Variants in BOD1L1 observed in about 807,000 individuals in gnomAD.
BOD1L1 encodes biorientation of chromosomes in cell division 1 like 1, also known as biorientation of chromosomes in cell division protein 1-like 1.
Under a neutral mutation model 240.7 loss-of-function variants are expected in BOD1L1, and 86 were observed. The ratio of observed to expected loss-of-function variants is 0.36; its 90% CI spans 0.30 to 0.43. The LOEUF is 0.43. Ranked by LOEUF, BOD1L1 falls within the 20% of genes least tolerant of loss-of-function variation. The pLI is 1.00. For synonymous variants in BOD1L1, 1,268 were observed against 1,272.3 expected (o/e 1.00, Z 0.07); for missense variants, 3,554 against 3,643.5 (o/e 0.98, Z 0.63).
At chr4:13,586,663 T>TA (rs1162670352) in intron 16 of BOD1L1, among the ~76,000 whole-genome samples, 188 bp from the exon 17 acceptor site, 1 of 152,136 alleles carries the variant, frequency 6.6e-6, no homozygotes, top group African/African-American at 2.4e-5. Context: ...CCTGGCAAAG[T>TA]AAAAATAAAA....
In BOD1L1 at chr4:13,569,819, A is replaced by C. The variant is rs951568720; in HGVS notation, c.*192T>G. 2 of 379,220 alleles carry C rather than the reference A, an allele frequency of 5.3e-6. No individual in the cohort carries two copies. Among genetic ancestry groups the C allele is most frequent in the Non-Finnish European group, 9.4e-6 (2 of 213,832 alleles). The allele number at this position is 379,220 out of a possible 1,614,324, so 23.5% of individuals were successfully genotyped here. On this transcript the variant is annotated 3_prime_UTR_variant, in exon 26 of 26. Transcript: ENST00000040738. ...AACTTATTGTCCTTTATCTGAAATA[A>C]ATGTACATAATATCTTCTATGAACA...
At position 13,600,432 on chromosome 4, in the gene BOD1L1, G is replaced by A. The variant is rs531371199; in HGVS notation, c.6468C>T (p.Ile2156=). The A allele has an allele frequency of 6.2e-7, 1 of 1,613,908 alleles. No individual in the cohort carries two copies. The highest frequency in any genetic ancestry group is 8.5e-7 in the Non-Finnish European group (1 of 1,179,884). The change falls in exon 10 of 26, where the codon ATC becomes ATT. Residue 2156 remains isoleucine (I), a synonymous_variant. Transcript: ENST00000040738. ...CACACTTGATGGTTGTTGCACTGGA[G>A]ATAGGCAATTCGAATTCTTCCCCTA... ...TSIGEEFELP[I]SSATTIKCAE...
chr4:13,595,996 A>G, intron 11 of BOD1L1, 52 bp from the exon 12 acceptor site: 2 of 1,465,232 alleles, frequency 1.4e-6, no homozygotes, highest in Non-Finnish European at 9.5e-7. Flanking sequence ...TTTTACAAGA[A>G]GACTAACCTC....
In BOD1L1 at chr4:13,577,469, T is replaced by A; in HGVS notation, c.8818A>T (p.Ile2940Leu). The A allele has an allele frequency of 6.2e-7, 1 of 1,613,680 alleles. No homozygotes were observed. Among genetic ancestry groups the A allele is most frequent in the South Asian group, 1.1e-5 (1 of 91,008 alleles). The stretch of plus-strand genomic sequence containing the variant: ...CCTCTCCGACGCACACTTGTTACTA[T>A]TTTTTCTTCACCATCATCCTAGAAG... ...SISNDDGEEK[I>L]VTSVRRRGRK... is the part of the protein sequence containing the mutation. The change falls in exon 24 of 26, where the codon ATA becomes TTA. Residue 2940 changes from isoleucine (I) to leucine (L), a missense_variant. Transcript: ENST00000040738.
intron 11 of BOD1L1, among the ~76,000 whole-genome samples, 188 bp downstream of exon 11, chr4:13,596,916 A>T (rs1714663590): frequency 6.6e-6 from 1 of 152,218 alleles, no homozygotes; most frequent in African/African-American, 2.4e-5. Flanking sequence ...TGAACTGATG[A>T]TAGCACTATT....
intron 3 of BOD1L1, 92 bp downstream of exon 3, chr4:13,615,220 T>C: frequency 2.3e-6 from 3 of 1,289,798 alleles, no homozygotes; most frequent in East Asian, 2.4e-5. Context: ...ATAGCCAAAT[T>C]AAAAAATGTG....
intron 9 of BOD1L1, among the ~76,000 whole-genome samples, chr4:13,605,779 C>A (rs927687534): frequency 6.6e-6 from 1 of 152,148 alleles, no homozygotes; most frequent in African/African-American, 2.4e-5. Context: ...ATTTAGGCTA[C>A]TTGTACAATA....
chr4:13,621,121 A>T (rs1717004980), intron 1 of BOD1L1, among the ~76,000 whole-genome samples: 1 of 152,230 alleles, frequency 6.6e-6, no homozygotes, highest in Non-Finnish European at 1.5e-5. Flanking sequence ...TGAGGGGAAC[A>T]TGGAGGGGAA....
rs560582166 is a variant in BOD1L1 at position 13,568,916 on chromosome 4, T to C, written c.*1095A>G. 3 of 152,234 alleles carry C rather than the reference T, an allele frequency of 2.0e-5. No homozygotes were observed. Among genetic ancestry groups the C allele is most frequent in the South Asian group, 2.1e-4 (1 of 4,820 alleles). The allele number at this position is 152,234 out of a possible 1,614,324, so 9.4% of individuals were successfully genotyped here. A position where few individuals can be genotyped will look rare whatever the true frequency, so the allele number is the denominator to read the frequency against. ...AACATTTTAAAATAATCTCAATTAT[T>C]TGGCAACTCATCACATCATTGCAAG... On this transcript the variant is annotated 3_prime_UTR_variant, in exon 26 of 26. Coordinates refer to ENST00000040738, the MANE Select transcript of BOD1L1 (RefSeq NM_148894.3).
rs1259102400 is a variant in BOD1L1, at chr4:13,599,673, G to A, written c.7227C>T (p.Asn2409=). ...VLAVSTEEGH[N]GPSVHKPSAG... ...CAGAGGGCTTGTGGACTGATGGCCCGTTGTGCCCCTCCTCGGTGCTCACTG... is the reference window on the plus strand; with the variant it reads ...CAGAGGGCTTGTGGACTGATGGCCCATTGTGCCCCTCCTCGGTGCTCACTG... The change falls in exon 10 of 26, where the codon AAC becomes AAT. Residue 2409 remains asparagine (N), a synonymous_variant. Transcript: ENST00000040738. The A allele has an allele frequency of 6.8e-6, 11 of 1,613,898 alleles. No homozygotes were observed. The highest frequency in any genetic ancestry group is 3.3e-5 in the South Asian group (3 of 91,084).
chr4:13,606,593 G>A (rs1377379229), intron 9 of BOD1L1, among the ~76,000 whole-genome samples: 3 of 152,104 alleles, frequency 2.0e-5, no homozygotes, highest in South Asian at 2.1e-4. Flanking sequence ...CAACCTAAGC[G>A]CTAAAATATA....
chr4:13,627,469 C>T lies in BOD1L1; in HGVS notation c.119G>A (p.Gly40Glu). ...PGPGAGPGAG[G>E]AGGAGAGAGD... ...GGCGCCCGCACCCGCGCCGCCCGCCCCGCCCGCGCCGGGGCCAGCCCCGGG... is the reference window on the plus strand; with the variant it reads ...GGCGCCCGCACCCGCGCCGCCCGCCTCGCCCGCGCCGGGGCCAGCCCCGGG... The change falls in exon 1 of 26, where the codon GGG becomes GAG. Residue 40 changes from glycine (G) to glutamate (E), a missense_variant. By Grantham distance (98) the Gly-to-Glu change is moderately conservative (BLOSUM62 -2). Transcript: ENST00000040738. 9.5e-7 allele frequency: 1 copy of T among 1,055,238 alleles called. No homozygotes were observed. The highest frequency in any genetic ancestry group is 1.1e-6 in the Non-Finnish European group (1 of 876,980). The allele number at this position is 1,055,238 out of a possible 1,614,324, so 65.4% of individuals were successfully genotyped here. A position where few individuals can be genotyped will look rare whatever the true frequency, so the allele number is the denominator to read the frequency against.
chr4:13,593,119 AAT>A (rs1371930362), intron 12 of BOD1L1: 1 of 152,192 alleles, frequency 6.6e-6, no homozygotes, highest in African/African-American at 2.4e-5. Flanking sequence ...CGGGATGCTC[AAT>A]GAGGTATAAT....
intron 11 of BOD1L1, among the ~76,000 whole-genome samples, chr4:13,596,661 CTAAGT>C (rs954924768): frequency 6.6e-6 from 1 of 151,992 alleles, no homozygotes; most frequent in Non-Finnish European, 1.5e-5. Flanking sequence ...ATGACAGGGC[CTAAGT>C]TATGTTTCTA....
At chr4:13,574,210 T>A (rs1712503278) in intron 25 of BOD1L1, among the ~76,000 whole-genome samples, 1 of 152,144 alleles carries the variant, frequency 6.6e-6, no homozygotes, top group African/African-American at 2.4e-5. Context: ...TCCCTGCCAC[T>A]GAGGTCCATG....
intron 11 of BOD1L1, 150 bp from the exon 12 acceptor site, chr4:13,596,094 T>C (rs1181496991): frequency 1.6e-6 from 1 of 640,748 alleles, no homozygotes; most frequent in African/African-American, 1.9e-5. Flanking sequence ...AATAAATACA[T>C]CAACCTTTAA....
intron 25 of BOD1L1, among the ~76,000 whole-genome samples, chr4:13,575,672 C>T (rs1184795988): frequency 2.6e-5 from 4 of 152,136 alleles, no homozygotes; most frequent in African/African-American, 9.7e-5. Flanking sequence ...GCATGAGCTA[C>T]CGTGCTCAGC....
At position 13,577,458 on chromosome 4, in the gene BOD1L1, A is replaced by C. The variant is rs965668653; in HGVS notation, c.8829T>G (p.Ser2943Arg). The change falls in exon 24 of 26, where the codon AGT becomes AGG. Residue 2943 changes from serine (S) to arginine (R), a missense_variant. Around this residue, in one of 2 missense-constraint regions of BOD1L1, gnomAD observed 3,393 missense variants for 3,427.1 expected, o/e 0.99. Transcript: ENST00000040738. Reference sequence around the variant, plus strand: ...TGGGTTTTCTTCCTCTCCGACGCACACTTGTTACTATTTTTTCTTCACCAT... The same window carrying C: ...TGGGTTTTCTTCCTCTCCGACGCACCCTTGTTACTATTTTTTCTTCACCAT... ...NDDGEEKIVT[S>R]VRRRGRKPKR... 6.2e-7 allele frequency: 1 copy of C among 1,613,776 alleles called. No individual in the cohort carries two copies. Among genetic ancestry groups the C allele is most frequent in the South Asian group, 1.1e-5 (1 of 91,050 alleles).
chr4:13,577,312 A>G, intron 24 of BOD1L1, 91 bp downstream of exon 24: 1 of 1,004,562 alleles, frequency 1.0e-6, no homozygotes. Context: ...TATTAGCTGT[A>G]CCCATTGGAT....
Sources: allele counts gnomAD v4.1 joint callset (sites outside exome capture counted in the v4.1 genomes callset), GRCh38; gene constraint gnomAD v4.1.1; regional missense constraint gnomAD v4.1.1; transcripts MANE v1.5; gene names NCBI Gene and HGNC (gene_info 2026-07-23, HGNC 2026-07-21).